Variants in MELK observed in about 807,000 individuals in gnomAD.
MELK encodes the protein pEg3 kinase.
A neutral mutation model predicts 85.0 loss-of-function variants in MELK; 81 were observed. The ratio of observed to expected loss-of-function variants is 0.95; its 90% CI spans 0.80 to 1.15. The LOEUF is 1.15. MELK is among the 50% of genes most tolerant of loss of function. The pLI is 0.00. For missense variants in MELK, 754 were observed against 777.5 expected, an observed-to-expected ratio of 0.97 and a Z score of 0.36; for synonymous variants, 252 against 265.0, an observed-to-expected ratio of 0.95 and a Z score of 0.48.
At chr9:36,603,457 G>T (rs1825135542) in intron 7 of MELK, among the ~76,000 whole-genome samples, 1 of 151,082 alleles carries the variant, frequency 6.6e-6, no homozygotes. Flanking sequence ...TTTGAGACAG[G>T]GTGTCACTCT....
At chr9:36,648,092 C>G (rs1347072434) in intron 11 of MELK, among the ~76,000 whole-genome samples, 1 of 152,118 alleles carries the variant, frequency 6.6e-6, no homozygotes, top group East Asian at 1.9e-4. Context: ...ATAGTTTTCT[C>G]AGTACATTAT....
chr9:36,625,575 G>A (rs181159132), intron 8 of MELK, among the ~76,000 whole-genome samples: 50 of 152,296 alleles, frequency 3.3e-4, no homozygotes, highest in Non-Finnish European at 4.3e-4. Context: ...GTTGGCTGTA[G>A]ATGAAGCGTG....
chr9:36,599,066 C>T (rs1824619024), intron 6 of MELK, among the ~76,000 whole-genome samples: 2 of 152,170 alleles, frequency 1.3e-5, no homozygotes, highest in African/African-American at 2.4e-5. Context: ...GAGGCCGAGG[C>T]GGGTGGATCA....
chr9:36,623,100 G>T (rs748152576), intron 8 of MELK, among the ~76,000 whole-genome samples: 7 of 152,178 alleles, frequency 4.6e-5, no homozygotes, highest in Non-Finnish European at 8.8e-5. Context: ...GTCATGCATT[G>T]TAGGATGTTT....
chr9:36,575,777 A>T (rs1218557596), intron 1 of MELK, among the ~76,000 whole-genome samples: 1 of 152,208 alleles, frequency 6.6e-6, no homozygotes, highest in East Asian at 1.9e-4. Context: ...AGTGAATTCC[A>T]GCATCTTACA....
In MELK at chr9:36,636,786, G is replaced by GTCTGTCTGTCTGTCTTTCTTTCTT. The variant is rs1564191111; in HGVS notation, c.834+3593_834+3594insGTCTGTCTTTCTTTCTTTCTGTCT. On this transcript the variant is annotated intron_variant, in intron 10 of 17. Coordinates refer to ENST00000298048, the MANE Select transcript of MELK (RefSeq NM_014791.4). ...TTTCTTTCTTTCTTTCTTTCTTTCT[G>GTCTGTCTGTCTGTCTTTCTTTCTT]TCTGTCTTTCTTTCTTTCTGTCTTT... Among the ~76,000 whole-genome samples the GTCTGTCTGTCTGTCTTTCTTTCTT allele has an allele frequency of 3.5e-4, 18 of 50,714 alleles. No homozygotes were observed. The East Asian group carries it at 8.4e-3, about 24-fold the overall frequency. The allele number at this position is 50,714 out of a possible 152,430, so 33.3% of individuals were successfully genotyped here.
At chr9:36,632,633 AT>A (rs1177945910) in intron 9 of MELK, among the ~76,000 whole-genome samples, 2 of 152,162 alleles carry the variant, frequency 1.3e-5, no homozygotes, top group African/African-American at 4.8e-5. Flanking sequence ...ATCTTTGTTG[AT>A]TAATTTTTCT....
chr9:36,666,922 G>T (rs564643506), intron 14 of MELK, among the ~76,000 whole-genome samples: 144 of 149,494 alleles, frequency 9.6e-4, no homozygotes, highest in African/African-American at 3.0e-3. Context: ...TGTGTGTGTG[G>T]GGGGGTGCGG....
At chr9:36,664,778 T>G (rs1832172827) in intron 13 of MELK, among the ~76,000 whole-genome samples, 1 of 152,150 alleles carries the variant, frequency 6.6e-6, no homozygotes, top group Non-Finnish European at 1.5e-5. Flanking sequence ...TAGAAACACA[T>G]GCTATAGGTT....
intron 8 of MELK, among the ~76,000 whole-genome samples, chr9:36,608,684 C>T (rs544086491): frequency 1.2e-3 from 180 of 152,030 alleles, no homozygotes; most frequent in Non-Finnish European, 2.2e-3. Flanking sequence ...CAGGTTCAAG[C>T]GATTCTCCTG....
intron 15 of MELK, among the ~76,000 whole-genome samples, chr9:36,669,997 A>G (rs559873635): frequency 5.7e-4 from 87 of 152,330 alleles, no homozygotes; most frequent in African/African-American, 2.1e-3. Context: ...TATATAGTAC[A>G]AAGCTGGAGC....
intron 8 of MELK, among the ~76,000 whole-genome samples, chr9:36,623,063 C>G (rs763044774): frequency 6.6e-6 from 1 of 152,158 alleles, no homozygotes; most frequent in African/African-American, 2.4e-5. Flanking sequence ...GGCATTTGGA[C>G]CACATAATTC....
chr9:36,617,478 G>A (rs59899397), intron 8 of MELK, among the ~76,000 whole-genome samples: 2,925 of 151,926 alleles, frequency 0.019, 81 homozygotes, highest in African/African-American at 0.063. Context: ...AACTACAGGC[G>A]TGCGCTACCA....
intron 10 of MELK, among the ~76,000 whole-genome samples, chr9:36,635,798 CT>C (rs759256315): frequency 0.019 from 2,529 of 133,996 alleles, 39 homozygotes; most frequent in African/African-American, 0.059. Context: ...TTAAAAAATG[CT>C]TTTTTTTTTT....
chr9:36,666,847 CTGTGTTTGTG>C (rs760286510), intron 14 of MELK, among the ~76,000 whole-genome samples: 11 of 114,136 alleles, frequency 9.6e-5, no homozygotes, highest in East Asian at 8.0e-4. Flanking sequence ...CTGATGATGT[CTGTGTTTGTG>C]TGTGTGTGTG....
At chr9:36,664,368 T>A (rs942254734) in intron 13 of MELK, among the ~76,000 whole-genome samples, 2 of 152,218 alleles carry the variant, frequency 1.3e-5, no homozygotes, top group Non-Finnish European at 2.9e-5. Context: ...ATGGGAATTA[T>A]CTGAGGCTTG....
At chr9:36,622,497 C>T (rs1464004173) in intron 8 of MELK, among the ~76,000 whole-genome samples, 2 of 152,168 alleles carry the variant, frequency 1.3e-5, no homozygotes, top group Non-Finnish European at 2.9e-5. Flanking sequence ...CCAAAATGCT[C>T]AACTGCACTT....
intron 10 of MELK, among the ~76,000 whole-genome samples, chr9:36,640,588 G>C (rs145780919): frequency 2.6e-5 from 4 of 152,052 alleles, no homozygotes; most frequent in Admixed American, 2.0e-4. Context: ...CTAGGACTAC[G>C]CATGTGAGCC....
chr9:36,673,615 G>C (rs560804780), intron 16 of MELK, among the ~76,000 whole-genome samples: 2 of 152,118 alleles, frequency 1.3e-5, no homozygotes, highest in East Asian at 3.9e-4. Flanking sequence ...CAGAGACAGG[G>C]TCTCACTATG....
Sources: allele counts gnomAD v4.1 joint callset (sites outside exome capture counted in the v4.1 genomes callset), GRCh38; gene constraint gnomAD v4.1.1; transcripts MANE v1.5; gene names NCBI Gene and HGNC (gene_info 2026-07-23, HGNC 2026-07-21).